The following COMMD10 variants were observed in gnomAD, a reference collection of about 807,000 sequenced individuals.
COMMD10 encodes COMM domain-containing protein 10.
Under a neutral mutation model 28.9 loss-of-function variants are expected in COMMD10, and 33 were observed. That is an observed-to-expected ratio of 1.14 (90% CI 0.87 to 1.53). The LOEUF (loss-of-function observed/expected upper bound fraction) is 1.53. Ranked by LOEUF, COMMD10 falls within the 40% of genes most tolerant of loss-of-function variation. COMMD10 has a pLI of 0.00. For missense variants in COMMD10, 310 were observed against 233.4 expected, an observed-to-expected ratio of 1.33 and a Z score of -2.14; for synonymous variants, 110 against 81.7, an observed-to-expected ratio of 1.35 and a Z score of -1.87.
At chr5:116,143,249 G>A (rs1185388471) in intron 5 of COMMD10, among the ~76,000 whole-genome samples, 1 of 151,410 alleles carries the variant, frequency 6.6e-6, no homozygotes, top group Non-Finnish European at 1.5e-5. Flanking sequence ...CAAGTGGAAA[G>A]TCTACATTTA....
chr5:116,133,566 A>T (rs75036387), intron 4 of COMMD10, among the ~76,000 whole-genome samples: 8,203 of 152,198 alleles, frequency 0.054, 315 homozygotes, highest in African/African-American at 0.11. Context: ...TACCATCTGG[A>T]TACTTTAGTT....
intron 5 of COMMD10, among the ~76,000 whole-genome samples, chr5:116,174,026 T>A (rs1023191721): frequency 6.6e-6 from 1 of 151,978 alleles, no homozygotes; most frequent in African/African-American, 2.4e-5. Flanking sequence ...TTCTAATAAG[T>A]GGAAAAAGAA....
chr5:116,213,851 T>G (rs1292618093), intron 5 of COMMD10, among the ~76,000 whole-genome samples: 1 of 152,068 alleles, frequency 6.6e-6, no homozygotes, highest in Non-Finnish European at 1.5e-5. Flanking sequence ...TTTATGAAAT[T>G]TTACTTATAT....
At chr5:116,108,039 C>T (rs1026500066) in intron 4 of COMMD10, among the ~76,000 whole-genome samples, 1 of 152,208 alleles carries the variant, frequency 6.6e-6, no homozygotes, top group Non-Finnish European at 1.5e-5. Context: ...CTTGCTTCTT[C>T]CTGAAGCTTC....
At chr5:116,204,488 G>A (rs552804978) in intron 5 of COMMD10, among the ~76,000 whole-genome samples, 2 of 151,436 alleles carry the variant, frequency 1.3e-5, no homozygotes, top group South Asian at 4.2e-4. Context: ...GGTTCCTGAT[G>A]GTACTGAATA....
chr5:116,255,115 T>A lies in COMMD10; in HGVS notation c.511-36402T>A, dbSNP rs548888162. On this transcript the variant is annotated intron_variant, in intron 5 of 6. Transcript: ENST00000274458. The stretch of plus-strand genomic sequence containing the variant: ...AGTCTGTTTTATCCAAGACTAGGAT[T>A]GCAACCCCTGCCTTTTTTTGTTTTC... Among the ~76,000 whole-genome samples, 11 of 151,866 alleles carry A rather than the reference T, an allele frequency of 7.2e-5. No homozygotes were observed. In the East Asian group the frequency reaches 2.1e-3, roughly 29 times the overall value.
At chr5:116,089,346 C>T (rs1750222743) in intron 2 of COMMD10, among the ~76,000 whole-genome samples, 1 of 152,226 alleles carries the variant, frequency 6.6e-6, no homozygotes, top group South Asian at 2.1e-4. Context: ...GGCTCCGTAA[C>T]TCTCTCCCTT....
intron 5 of COMMD10, among the ~76,000 whole-genome samples, chr5:116,176,275 C>A (rs957352412): frequency 4.6e-5 from 7 of 152,120 alleles, no homozygotes; most frequent in Non-Finnish European, 1.0e-4. Flanking sequence ...CCACGCCTAG[C>A]TGATTGTTTT....
rs535947461 is a variant in COMMD10, at chr5:116,163,579, C to T, written c.510+29401C>T. 2.6e-5 allele frequency among the ~76,000 whole-genome samples: 4 copies of T among 151,986 alleles called. No individual in the cohort carries two copies. In the South Asian group the frequency reaches 8.3e-4, roughly 32 times the overall value. On this transcript the variant is annotated intron_variant, in intron 5 of 6. Transcript: ENST00000274458. Reference sequence around the variant, plus strand: ...GCTCCAGCCTGGGCAACAATAGCAACACTCTGTCTCCAAAAAAATAAAAAT... The same window carrying T: ...GCTCCAGCCTGGGCAACAATAGCAATACTCTGTCTCCAAAAAAATAAAAAT...
intron 4 of COMMD10, among the ~76,000 whole-genome samples, chr5:116,133,237 A>C (rs1357183950): frequency 2.6e-5 from 4 of 152,204 alleles, no homozygotes; most frequent in Admixed American, 2.0e-4. Context: ...AATTAAATCT[A>C]AAACCTTACA....
chr5:116,181,451 A>T (rs1027160810), intron 5 of COMMD10, among the ~76,000 whole-genome samples: 5 of 150,362 alleles, frequency 3.3e-5, no homozygotes, highest in African/African-American at 1.2e-4. Flanking sequence ...AGTATGAAAG[A>T]AATTAGCAGA....
intron 5 of COMMD10, among the ~76,000 whole-genome samples, chr5:116,192,873 A>G (rs1431979040): frequency 2.0e-5 from 3 of 152,208 alleles, no homozygotes; most frequent in African/African-American, 7.2e-5. Context: ...CAGGTTATCC[A>G]AAGTTAAGAC....
intron 5 of COMMD10, among the ~76,000 whole-genome samples, chr5:116,255,260 AGTCTGT>A (rs1750249473): frequency 6.6e-6 from 1 of 151,716 alleles, no homozygotes; most frequent in African/African-American, 2.4e-5. Flanking sequence ...CCAATTTGCC[AGTCTGT>A]GTCTTTTAGT....
intron 5 of COMMD10, among the ~76,000 whole-genome samples, chr5:116,237,554 T>G (rs1412926301): frequency 1.3e-5 from 2 of 151,952 alleles, no homozygotes; most frequent in African/African-American, 4.8e-5. Flanking sequence ...ACATGCTATA[T>G]AGTCCAGCTA....
intron 5 of COMMD10, among the ~76,000 whole-genome samples, chr5:116,169,600 G>A (rs143241232): frequency 0.013 from 1,958 of 152,220 alleles, 54 homozygotes; most frequent in African/African-American, 0.045. Flanking sequence ...TAAAATACTG[G>A]CAAACTGAAT....
intron 5 of COMMD10, among the ~76,000 whole-genome samples, chr5:116,250,680 G>GGAAC (rs1269733830): frequency 6.6e-6 from 1 of 151,828 alleles, no homozygotes; most frequent in Non-Finnish European, 1.5e-5. Context: ...GCTAACTGAT[G>GGAAC]GAACAAGCAG....
chr5:116,102,124 A>G (rs532891195), intron 4 of COMMD10, among the ~76,000 whole-genome samples: 1 of 152,226 alleles, frequency 6.6e-6, no homozygotes, highest in African/African-American at 2.4e-5. Flanking sequence ...TTAGTCATGA[A>G]TTCTTTGCTT....
At chr5:116,211,020 T>A (rs1013425014) in intron 5 of COMMD10, among the ~76,000 whole-genome samples, 1 of 152,128 alleles carries the variant, frequency 6.6e-6, no homozygotes, top group African/African-American at 2.4e-5. Flanking sequence ...TTTTTATTAA[T>A]GCTTGGTATA....
At chr5:116,147,735 T>TAAA (rs1301287390) in intron 5 of COMMD10, among the ~76,000 whole-genome samples, 1 of 151,910 alleles carries the variant, frequency 6.6e-6, no homozygotes, top group African/African-American at 2.4e-5. Context: ...TTTTGTCTTT[T>TAAA]AAAAAATTAT....
Sources: gnomAD v4.1 joint callset for allele counts (sites outside exome capture counted in the v4.1 genomes callset) on GRCh38, gnomAD v4.1.1 for gene constraint, MANE v1.5 for transcripts, NCBI Gene and HGNC (gene_info 2026-07-23, HGNC 2026-07-21) for gene names.